DSCAM: variants seen among roughly 807,000 people sequenced by gnomAD.
DSCAM encodes DS cell adhesion molecule, also known as cell adhesion molecule DSCAM.
DSCAM carries 47 observed loss-of-function variants against 217.7 expected under a neutral mutation model. That is an observed-to-expected ratio of 0.22 (90% confidence interval 0.17 to 0.28). The LOEUF is 0.28. Ranked by LOEUF, DSCAM falls within the 10% of genes least tolerant of loss-of-function variation. DSCAM has a pLI of 1.00. For synonymous variants in DSCAM, 1,056 were observed against 1,015.3 expected (o/e 1.04, Z -0.76); for missense variants, 2,080 against 2,618.3 (o/e 0.79, Z 4.49).
chr21:40,317,582 TTCAG>T (rs1237570588), intron 8 of DSCAM, among the ~76,000 whole-genome samples: 1 of 152,144 alleles, frequency 6.6e-6, no homozygotes, highest in Non-Finnish European at 1.5e-5. Flanking sequence ...TAGGCTGGAG[TTCAG>T]TGGCATGATC....
At chr21:40,575,136 G>T (rs2076838933) in intron 3 of DSCAM, among the ~76,000 whole-genome samples, 1 of 151,958 alleles carries the variant, frequency 6.6e-6, no homozygotes, top group African/African-American at 2.4e-5. Context: ...TGCCTTAACT[G>T]ATGACATTAC....
intron 1 of DSCAM, among the ~76,000 whole-genome samples, chr21:40,722,428 ATAAAT>A (rs1180704388): frequency 6.6e-6 from 1 of 152,194 alleles, no homozygotes; most frequent in African/African-American, 2.4e-5. Context: ...AGGTCCTTCT[ATAAAT>A]TAAGTGGTAT....
At chr21:40,187,284 G>A (rs532645214) in intron 13 of DSCAM, 25 bp from the exon 14 acceptor site, 62 of 1,612,336 alleles carry the variant, frequency 3.8e-5, no homozygotes, top group East Asian at 6.7e-5. Flanking sequence ...GAAAGACTAC[G>A]AGTTAGTTCA....
rs532282331 is a variant in DSCAM, at chr21:40,638,623, G to A, written c.508+54187C>T. The stretch of plus-strand genomic sequence containing the variant: ...TGCATTCCCTGATTTCAAGCACGGC[G>A]AGGCTGGGGCTGTAATTACGGAATG... On this transcript the variant is annotated intron_variant, in intron 3 of 32. Transcript: ENST00000400454. 5.9e-5 allele frequency among the ~76,000 whole-genome samples: 9 copies of A among 152,282 alleles called. No individual in the cohort carries two copies. The East Asian group carries it at 9.7e-4, about 16-fold the overall frequency.
chr21:40,439,661 AAG>A (rs2075613641), intron 3 of DSCAM, among the ~76,000 whole-genome samples: 2 of 147,334 alleles, frequency 1.4e-5, no homozygotes, highest in Admixed American at 6.8e-5. Flanking sequence ...TGGGAAGAAA[AAG>A]AGATTTAATT....
intron 3 of DSCAM, among the ~76,000 whole-genome samples, chr21:40,486,783 T>C (rs537440111): frequency 4.9e-4 from 75 of 152,300 alleles, no homozygotes; most frequent in African/African-American, 1.7e-3. Flanking sequence ...TGGCTCAAGC[T>C]TGAAACCACT....
chr21:40,020,528 T>C (rs1470983885), intron 32 of DSCAM, among the ~76,000 whole-genome samples: 2 of 149,736 alleles, frequency 1.3e-5, no homozygotes, highest in Admixed American at 6.9e-5. Context: ...TGTGTGTGTG[T>C]GTGAGAGAGA....
intron 3 of DSCAM, among the ~76,000 whole-genome samples, chr21:40,682,464 G>A (rs2090412262): frequency 6.6e-6 from 1 of 150,534 alleles, no homozygotes; most frequent in Non-Finnish European, 1.5e-5. Flanking sequence ...ACTGCCTTGT[G>A]TCCCCTAAAG....
At position 40,324,151 on chromosome 21, in the gene DSCAM, G is replaced by C. The variant is rs574933428; in HGVS notation, c.1784-11792C>G. On this transcript the variant is annotated intron_variant, in intron 8 of 32. Coordinates refer to ENST00000400454, the MANE Select transcript of DSCAM (RefSeq NM_001389.5). ...AAAAAAGAAAAAAAAAAGAGAGAGAGAGAAAAGGAAATAAAAGGAAGGCAA... is the reference window on the plus strand; with the variant it reads ...AAAAAAGAAAAAAAAAAGAGAGAGACAGAAAAGGAAATAAAAGGAAGGCAA... Among the ~76,000 whole-genome samples the C allele has an allele frequency of 4.0e-3, 530 of 131,996 alleles. 3 individuals are homozygous for C. Among genetic ancestry groups the C allele is most frequent in the Middle Eastern group, 7.9e-3 (2 of 252 alleles). 86.6% of individuals were successfully genotyped at this position (131,996 alleles called of 152,430 possible).
chr21:40,456,736 G>T (rs1342550839), intron 3 of DSCAM, among the ~76,000 whole-genome samples: 1 of 151,952 alleles, frequency 6.6e-6, no homozygotes, highest in African/African-American at 2.4e-5. Flanking sequence ...GTCACTAAAT[G>T]GATAGCTAAT....
At chr21:40,692,296 G>T (rs761561692) in intron 3 of DSCAM, among the ~76,000 whole-genome samples, 1 of 152,086 alleles carries the variant, frequency 6.6e-6, no homozygotes, top group Non-Finnish European at 1.5e-5. Flanking sequence ...TATAAGCCAA[G>T]AAATTATTCA....
chr21:40,160,104 TC>T (rs1379484336), intron 16 of DSCAM, among the ~76,000 whole-genome samples: 3 of 152,178 alleles, frequency 2.0e-5, no homozygotes, highest in African/African-American at 7.2e-5. Flanking sequence ...ACATCCGTTA[TC>T]CTCTATGGCT....
intron 1 of DSCAM, among the ~76,000 whole-genome samples, chr21:40,748,429 T>C (rs2091196151): frequency 6.6e-6 from 1 of 152,140 alleles, no homozygotes; most frequent in Non-Finnish European, 1.5e-5. Context: ...GTGTTTGCTA[T>C]ATGCCAATAG....
At chr21:40,599,383 C>T (rs577705044) in intron 3 of DSCAM, among the ~76,000 whole-genome samples, 1 of 152,272 alleles carries the variant, frequency 6.6e-6, no homozygotes, top group East Asian at 1.9e-4. Flanking sequence ...GCCCCCAACC[C>T]CCTGGCTGGC....
In DSCAM at chr21:40,812,923, G is replaced by A. The variant is rs139976285; in HGVS notation, c.43+33696C>T. 2.7e-3 allele frequency among the ~76,000 whole-genome samples: 406 copies of A among 152,292 alleles called. 4 individuals are homozygous for A. Among genetic ancestry groups the A allele is most frequent in the Non-Finnish European group, 3.5e-3 (237 of 68,020 alleles). On this transcript the variant is annotated intron_variant, in intron 1 of 32. Coordinates refer to ENST00000400454, the MANE Select transcript of DSCAM (RefSeq NM_001389.5). ...CACCAGTGTTGGAAACTGCTGTGAG[G>A]ATTGAAAATTGCCTGCTAAATTCAA...
At chr21:40,597,640 G>A (rs963372283) in intron 3 of DSCAM, among the ~76,000 whole-genome samples, 1 of 151,490 alleles carries the variant, frequency 6.6e-6, no homozygotes, top group African/African-American at 2.4e-5. Flanking sequence ...CCAAGTAGCT[G>A]GGACTACAGG....
At chr21:40,527,831 G>A (rs1174036045) in intron 3 of DSCAM, among the ~76,000 whole-genome samples, 3 of 152,142 alleles carry the variant, frequency 2.0e-5, no homozygotes, top group African/African-American at 7.2e-5. Flanking sequence ...AGGAAGAACC[G>A]TGGGTGAAAT....
At chr21:40,808,452 G>A (rs6517618) in intron 1 of DSCAM, among the ~76,000 whole-genome samples, 12,840 of 150,460 alleles carry the variant, frequency 0.085, 613 homozygotes, top group East Asian at 0.098. Flanking sequence ...TTCTAAGTAG[G>A]CCTTGGGTTA....
intron 1 of DSCAM, among the ~76,000 whole-genome samples, chr21:40,769,112 C>A (rs142565138): frequency 1.1e-3 from 145 of 130,544 alleles, no homozygotes; most frequent in African/African-American, 4.4e-3. Flanking sequence ...CCTTCCCCAA[C>A]CCTCTGCTCT....
Sources: allele counts gnomAD v4.1 joint callset (sites outside exome capture counted in the v4.1 genomes callset), GRCh38; gene constraint gnomAD v4.1.1; transcripts MANE v1.5; gene names NCBI Gene and HGNC (gene_info 2026-07-23, HGNC 2026-07-21).